TRPC3: variants seen among roughly 807,000 people sequenced by gnomAD.
TRPC3 encodes transient receptor potential cation channel subfamily C member 3, also known as short transient receptor potential channel 3.
Under a neutral mutation model 90.9 loss-of-function variants are expected in TRPC3, and 54 were observed. The observed-to-expected ratio is 0.59, with a 90% confidence interval of 0.48 to 0.75. The LOEUF is 0.75. Ranked by LOEUF, TRPC3 falls within the 30% of genes least tolerant of loss-of-function variation. The probability of loss-of-function intolerance (pLI) is 0.00; values close to 1 mark genes in which losing one functional copy is unlikely to be tolerated. For missense variants in TRPC3, 918 were observed against 1,194.5 expected (o/e 0.77, Z 3.41); for synonymous variants, 424 against 450.9 (o/e 0.94, Z 0.75).
chr4:121,884,319 TA>T (rs1180812898), intron 10 of TRPC3, among the ~76,000 whole-genome samples: 1 of 152,090 alleles, frequency 6.6e-6, no homozygotes, highest in African/African-American at 2.4e-5. Context: ...AACTTCAAGA[TA>T]GGGATTAACT....
In TRPC3 at chr4:121,907,557, T is replaced by C. The variant is rs1306518017; in HGVS notation, c.1803A>G (p.Lys601=). Residue 601 remains lysine, a synonymous_variant, in exon 7 of 12, where the codon AAA becomes AAG. Coordinates refer to ENST00000379645, the MANE Select transcript of TRPC3 (RefSeq NM_001130698.2). ...TAATCTGAGGGTCAGAAGGGAGCCA[T>C]TTATCTCTAGCTAGAAAAAAGAGAG... ...EIQYFTYARD[K]WLPSDPQIIS... The C allele has an allele frequency of 2.5e-6, 4 of 1,599,656 alleles. No individual in the cohort carries two copies. The highest frequency in any genetic ancestry group is 3.5e-5 in the Admixed American group (2 of 56,812).
In TRPC3 at chr4:121,875,738, C is replaced by T. The variant is rs983681771; in HGVS notation, c.*3998G>A. Among the ~76,000 whole-genome samples the T allele has an allele frequency of 1.3e-5, 2 of 152,048 alleles. No individual in the cohort carries two copies. Among genetic ancestry groups the T allele is most frequent in the Non-Finnish European group, 2.9e-5 (2 of 68,024 alleles). ...CTAAAAATAAAAGCAATTTAAACTG[C>T]ATTAAAGTTAAAACCATCAACACGC... On this transcript the variant is annotated 3_prime_UTR_variant, in exon 12 of 12. Transcript: ENST00000379645.
At chr4:121,923,634 A>T (rs1468780383) in intron 3 of TRPC3, among the ~76,000 whole-genome samples, 1 of 152,252 alleles carries the variant, frequency 6.6e-6, no homozygotes, top group Non-Finnish European at 1.5e-5. Flanking sequence ...ATCCTTAAAC[A>T]AATGAATAAG....
chr4:121,909,641 C>T (rs1196462787), intron 6 of TRPC3, among the ~76,000 whole-genome samples: 1 of 152,104 alleles, frequency 6.6e-6, no homozygotes, highest in Non-Finnish European at 1.5e-5. Flanking sequence ...ACAACATCCT[C>T]CCAAAATATT....
At chr4:121,943,160 C>T (rs1020543848) in intron 1 of TRPC3, among the ~76,000 whole-genome samples, 15 of 148,034 alleles carry the variant, frequency 1.0e-4, no homozygotes, top group African/African-American at 3.5e-4. Context: ...AACCACATCA[C>T]TGAAGACCTA....
intron 11 of TRPC3, among the ~76,000 whole-genome samples, chr4:121,880,081 A>G (rs1727889947): frequency 6.6e-6 from 1 of 152,154 alleles, no homozygotes; most frequent in African/African-American, 2.4e-5. Context: ...AAAATAGTCC[A>G]GCTATATTTT....
chr4:121,891,899 C>T (rs1185300153), intron 10 of TRPC3, among the ~76,000 whole-genome samples: 1 of 152,210 alleles, frequency 6.6e-6, no homozygotes, highest in Non-Finnish European at 1.5e-5. Context: ...CTCCTTTGAG[C>T]CACTCATCAC....
Position 121,925,011 on chromosome 4 carries a change from C to A in TRPC3, c.1176+7G>T. ...ATATGGCACTAGATGAAAGTAGGCC[C>A]ACTCACCTTTTTGACTTCATACTTA... On this transcript the variant is annotated splice_region_variant and intron_variant, in intron 3 of 11. Transcript: ENST00000379645. The A allele has an allele frequency of 6.2e-7, 1 of 1,607,582 alleles. No individual in the cohort carries two copies. The highest frequency in any genetic ancestry group is 8.5e-7 in the Non-Finnish European group (1 of 1,176,784).
In TRPC3 at chr4:121,875,881, C is replaced by A. The variant is rs978346441; in HGVS notation, c.*3855G>T. On this transcript the variant is annotated 3_prime_UTR_variant, in exon 12 of 12. Coordinates refer to ENST00000379645, the MANE Select transcript of TRPC3 (RefSeq NM_001130698.2). ...TAAACTGAACAAAGTTATAAATACC[C>A]ATTTTAGATTTTTTTTTTTTTTTTT... Among the ~76,000 whole-genome samples the A allele has an allele frequency of 1.4e-5, 2 of 145,618 alleles. No individual in the cohort carries two copies. The highest frequency in any genetic ancestry group is 1.4e-4 in the Admixed American group (2 of 14,360).
At chr4:121,898,814 G>A (rs1371415428) in intron 10 of TRPC3, among the ~76,000 whole-genome samples, 2 of 151,818 alleles carry the variant, frequency 1.3e-5, no homozygotes, top group African/African-American at 4.8e-5. Context: ...TAAAAATAAA[G>A]TTAGACAAAA....
chr4:121,946,612 T>C (rs187896801), intron 1 of TRPC3, among the ~76,000 whole-genome samples: 163 of 152,274 alleles, frequency 1.1e-3, no homozygotes, highest in African/African-American at 3.8e-3. Flanking sequence ...CATGTGAACA[T>C]AAATTCTCAC....
intron 1 of TRPC3, among the ~76,000 whole-genome samples, chr4:121,936,479 C>T (rs1263251231): frequency 6.6e-6 from 1 of 152,204 alleles, no homozygotes; most frequent in African/African-American, 2.4e-5. Flanking sequence ...ACCCGCAGAT[C>T]TATGAGGGCC....
intron 2 of TRPC3, among the ~76,000 whole-genome samples, chr4:121,925,411 C>T (rs1729669918): frequency 6.6e-6 from 1 of 151,964 alleles, no homozygotes; most frequent in Admixed American, 6.6e-5. Flanking sequence ...GCAACCAGCC[C>T]AACCATCCGA....
Position 121,878,369 on chromosome 4 carries a change from T to C in TRPC3, c.*1367A>G, listed in dbSNP as rs1361272154. On this transcript the variant is annotated 3_prime_UTR_variant, in exon 12 of 12. Transcript: ENST00000379645. ...AGCAATGATTTTAAAGTAGCATGTA[T>C]TTAGTTGGTTTTAAGGACCTCTGAA... is the stretch of plus-strand genomic sequence containing the variant. 6.6e-6 allele frequency among the ~76,000 whole-genome samples: 1 copy of C among 152,232 alleles called. No individual in the cohort carries two copies. The highest frequency in any genetic ancestry group is 6.5e-5 in the Admixed American group (1 of 15,276).
chr4:121,901,920 G>A (rs1728718264), intron 9 of TRPC3, among the ~76,000 whole-genome samples: 2 of 151,898 alleles, frequency 1.3e-5, no homozygotes, highest in African/African-American at 4.8e-5. Context: ...CCATATCCAG[G>A]TCAAACAAAA....
Position 121,879,378 on chromosome 4 carries a change from C to G in TRPC3, c.*358G>C, listed in dbSNP as rs909822533. On this transcript the variant is annotated 3_prime_UTR_variant, in exon 12 of 12. Transcript: ENST00000379645. ...TATATACCAGGCACTGTACTAGATG[C>G]TGGAGACACAAAGATGAATAAGACA... is the stretch of plus-strand genomic sequence containing the variant. 2 of 227,500 alleles carry G rather than the reference C, an allele frequency of 8.8e-6. No homozygotes were observed. The highest frequency in any genetic ancestry group is 4.8e-5 in the African/African-American group (2 of 42,084). The allele number at this position is 227,500 out of a possible 1,614,324, so 14.1% of individuals were successfully genotyped here.
At position 121,939,955 on chromosome 4, in the gene TRPC3, A is replaced by C. The variant is rs571953262; in HGVS notation, c.216-6913T>G. ...CAGATGTGACAGAGAAGAGCAGGGG[A>C]AAGGGTAGTTCCCGAGAGCCTGAGC... On this transcript the variant is annotated intron_variant, in intron 1 of 11. Transcript: ENST00000379645. 2.0e-5 allele frequency among the ~76,000 whole-genome samples: 3 copies of C among 152,296 alleles called. 1 individual carries two copies. The East Asian group carries it at 5.8e-4, about 29-fold the overall frequency.
Position 121,932,199 on chromosome 4 carries a change from C to T in TRPC3, c.987+72G>A. 1 of 1,564,626 alleles carries T rather than the reference C, an allele frequency of 6.4e-7. No homozygotes were observed. Among genetic ancestry groups the T allele is most frequent in the South Asian group, 1.2e-5 (1 of 82,086 alleles). Reference sequence around the variant, plus strand: ...AAACCGAATGTGGAGCGAACGGTGGCAGAGCAGGCCAGGCAGCAGCGGGGA... The same window carrying T: ...AAACCGAATGTGGAGCGAACGGTGGTAGAGCAGGCCAGGCAGCAGCGGGGA... On this transcript the variant is annotated intron_variant, in intron 2 of 11. Coordinates refer to ENST00000379645, the MANE Select transcript of TRPC3 (RefSeq NM_001130698.2). The surrounding 1 kb of genome is among the most constrained non-coding windows in gnomAD (Gnocchi z 7.7).
intron 2 of TRPC3, 100 bp from the exon 3 acceptor site, chr4:121,925,306 T>C (rs1729664640): frequency 1.5e-6 from 2 of 1,296,570 alleles, no homozygotes; most frequent in African/African-American, 1.5e-5. Context: ...CTTTTGGGGG[T>C]AGAAAGCTGC....
Sources: allele counts gnomAD v4.1 joint callset (sites outside exome capture counted in the v4.1 genomes callset), GRCh38; gene constraint gnomAD v4.1.1; non-coding constraint Gnocchi (gnomAD v3.1); transcripts MANE v1.5; gene names NCBI Gene and HGNC (gene_info 2026-07-23, HGNC 2026-07-21).